The following CDH20 variants were observed in gnomAD, a reference collection of about 807,000 sequenced individuals.
The protein encoded by CDH20 is cadherin 20.
CDH20 carries 29 observed loss-of-function variants against 74.2 expected under a neutral mutation model. That is an observed-to-expected ratio of 0.39 (90% CI 0.29 to 0.53). The LOEUF (loss-of-function observed/expected upper bound fraction) is 0.53. Among genes scored for constraint, CDH20 ranks in the 20% least tolerant of loss-of-function variants. The pLI is 0.69. For synonymous variants in CDH20, 469 were observed against 405.4 expected (o/e 1.16, Z -1.88); for missense variants, 988 against 1,048.3 (o/e 0.94, Z 0.79).
At chr18:61,339,590 T>C (rs1478193525) in intron 1 of CDH20, among the ~76,000 whole-genome samples, 1 of 152,060 alleles carries the variant, frequency 6.6e-6, no homozygotes, top group African/African-American at 2.4e-5. Context: ...ACTAAATAAC[T>C]GCATGTCCTC....
intron 1 of CDH20, among the ~76,000 whole-genome samples, chr18:61,468,570 CT>C (rs904942121): frequency 3.3e-5 from 5 of 152,116 alleles, no homozygotes; most frequent in East Asian, 1.9e-4. Context: ...TCTAGTATCC[CT>C]TTTTCCCCCC....
intron 1 of CDH20, among the ~76,000 whole-genome samples, chr18:61,373,375 A>C (rs1160693617): frequency 2.0e-5 from 3 of 151,926 alleles, no homozygotes; most frequent in Non-Finnish European, 2.9e-5. Flanking sequence ...ATAATAGATT[A>C]TATGTATTTT....
rs988938286 is a variant in CDH20, at chr18:61,555,193, A to G, written c.*498A>G. 4.0e-6 allele frequency: 4 copies of G among 987,726 alleles called. No individual in the cohort carries two copies. Among genetic ancestry groups the G allele is most frequent in the Admixed American group, 1.2e-4 (2 of 16,724 alleles). 61.2% of individuals were successfully genotyped at this position (987,726 alleles called of 1,614,324 possible). On this transcript the variant is annotated 3_prime_UTR_variant, in exon 12 of 12. Transcript: ENST00000262717. Reference sequence around the variant, plus strand: ...GAACAAAAAACTTGTTACTCAGTGAAATTAACCTACTTGTTCTGGGATGGA... The same window carrying G: ...GAACAAAAAACTTGTTACTCAGTGAGATTAACCTACTTGTTCTGGGATGGA...
At chr18:61,471,349 C>A (rs1035964810) in intron 1 of CDH20, among the ~76,000 whole-genome samples, 4 of 152,176 alleles carry the variant, frequency 2.6e-5, no homozygotes, top group Admixed American at 1.3e-4. Context: ...AAACAGTTGA[C>A]AAGAGATAAT....
intron 1 of CDH20, among the ~76,000 whole-genome samples, chr18:61,354,551 G>A (rs951023239): frequency 6.6e-6 from 1 of 152,126 alleles, no homozygotes; most frequent in South Asian, 2.1e-4. Flanking sequence ...AGAGGTTGTA[G>A]TGAGCCGAAA....
intron 1 of CDH20, among the ~76,000 whole-genome samples, chr18:61,432,141 G>T (rs1193556991): frequency 6.6e-6 from 1 of 150,612 alleles, no homozygotes; most frequent in East Asian, 2.0e-4. Context: ...CCAGCTACTC[G>T]AGAGACTGAG....
chr18:61,484,803 A>T (rs917463193), intron 1 of CDH20, among the ~76,000 whole-genome samples: 7 of 151,480 alleles, frequency 4.6e-5, no homozygotes, highest in African/African-American at 1.7e-4. Context: ...ACCATTATAC[A>T]AAACTAGATA....
chr18:61,521,413 T>C (rs1029924284), intron 6 of CDH20, among the ~76,000 whole-genome samples: 4 of 151,244 alleles, frequency 2.6e-5, no homozygotes, highest in Non-Finnish European at 4.4e-5. Flanking sequence ...TAACAAGTTC[T>C]GAAATTGAGG....
intron 1 of CDH20, among the ~76,000 whole-genome samples, chr18:61,418,716 A>G (rs1305737786): frequency 1.3e-5 from 2 of 152,122 alleles, no homozygotes; most frequent in Admixed American, 1.3e-4. Context: ...TTTATTTATA[A>G]CTTCCACTTA....
At chr18:61,436,394 T>G (rs1908837285) in intron 1 of CDH20, among the ~76,000 whole-genome samples, 1 of 152,204 alleles carries the variant, frequency 6.6e-6, no homozygotes, top group Admixed American at 6.5e-5. Context: ...GGGTTCCAAC[T>G]TCTCCACATC....
At chr18:61,504,544 T>C (rs944719209) in intron 5 of CDH20, among the ~76,000 whole-genome samples, 2 of 152,046 alleles carry the variant, frequency 1.3e-5, no homozygotes, top group Non-Finnish European at 2.9e-5. Flanking sequence ...TTGAATGTCC[T>C]TAAGGAAAGT....
chr18:61,460,938 A>G (rs1909745190), intron 1 of CDH20, among the ~76,000 whole-genome samples: 1 of 152,190 alleles, frequency 6.6e-6, no homozygotes, highest in Non-Finnish European at 1.5e-5. Context: ...TTTTTAAGTC[A>G]GAATCTTATT....
At chr18:61,352,886 G>A (rs1910356555) in intron 1 of CDH20, among the ~76,000 whole-genome samples, 3 of 152,156 alleles carry the variant, frequency 2.0e-5, no homozygotes, top group African/African-American at 7.2e-5. Context: ...CTCATTGTTA[G>A]GGACTTACTT....
At chr18:61,545,397 C>G (rs949434771) in intron 10 of CDH20, among the ~76,000 whole-genome samples, 2 of 151,818 alleles carry the variant, frequency 1.3e-5, no homozygotes, top group African/African-American at 4.8e-5. Flanking sequence ...CATGAGCCAC[C>G]GTGCCCAGCC....
At chr18:61,391,076 CTT>C (rs1203650663) in intron 1 of CDH20, among the ~76,000 whole-genome samples, 1 of 152,150 alleles carries the variant, frequency 6.6e-6, no homozygotes, top group Admixed American at 6.6e-5. Context: ...CTAGCAAACA[CTT>C]TTGCTATGTA....
At chr18:61,455,508 A>C (rs1166974428) in intron 1 of CDH20, among the ~76,000 whole-genome samples, 5 of 152,280 alleles carry the variant, frequency 3.3e-5, no homozygotes, top group South Asian at 2.1e-4. Context: ...TGAGTCATTT[A>C]TTCTATGTTT....
At chr18:61,352,966 T>C (rs2144116215) in intron 1 of CDH20, among the ~76,000 whole-genome samples, 1 of 152,284 alleles carries the variant, frequency 6.6e-6, no homozygotes, top group East Asian at 1.9e-4. Flanking sequence ...ATAGAATAAT[T>C]CTCATTCCTT....
At chr18:61,502,752 A>G (rs560446372) in intron 4 of CDH20, among the ~76,000 whole-genome samples, 2 of 152,304 alleles carry the variant, frequency 1.3e-5, no homozygotes, top group South Asian at 4.1e-4. Flanking sequence ...TTCCTGCTGG[A>G]ATAAAAGTTT....
chr18:61,447,975 C>A (rs895990484), intron 1 of CDH20, among the ~76,000 whole-genome samples: 15 of 152,188 alleles, frequency 9.9e-5, no homozygotes, highest in African/African-American at 3.6e-4. Flanking sequence ...CTTAACCAAA[C>A]AAGGACTCAA....
Sources: gnomAD v4.1 joint callset for allele counts (sites outside exome capture counted in the v4.1 genomes callset) on GRCh38, gnomAD v4.1.1 for gene constraint, MANE v1.5 for transcripts, NCBI Gene and HGNC (gene_info 2026-07-23, HGNC 2026-07-21) for gene names.